Variants in SHISA9 observed in about 807,000 individuals in gnomAD.
SHISA9 encodes shisa family member 9, also known as protein shisa-9.
In SHISA9, 13 loss-of-function variants were observed where a neutral mutation model predicts 38.0. The observed-to-expected ratio is 0.34, with a 90% CI of 0.22 to 0.54. SHISA9 has a LOEUF of 0.54. Among genes scored for constraint, SHISA9 ranks in the 20% least tolerant of loss-of-function variants. The pLI, the probability that SHISA9 is intolerant of heterozygous loss-of-function variation, is 0.91. For missense variants in SHISA9, 538 were observed against 575.8 expected (o/e 0.93, Z 0.67); for synonymous variants, 275 against 242.0 (o/e 1.14, Z -1.27).
chr16:13,223,669 G>A (rs1171881207), intron 4 of SHISA9, among the ~76,000 whole-genome samples: 1 of 152,102 alleles, frequency 6.6e-6, no homozygotes, highest in South Asian at 2.1e-4. Context: ...CCTGAGACTG[G>A]GTAATTTATA....
At chr16:13,268,142 T>C in the SHISA9 span, among the ~76,000 whole-genome samples, 1 of 152,026 alleles carries the variant, frequency 6.6e-6, no homozygotes, top group Non-Finnish European at 1.5e-5. Context: ...AAATCAATGT[T>C]TTTGTGATAG....
At chr16:12,992,391 G>T (rs1420037562) in intron 2 of SHISA9, among the ~76,000 whole-genome samples, 2 of 151,246 alleles carry the variant, frequency 1.3e-5, no homozygotes, top group South Asian at 2.1e-4. Flanking sequence ...AGTAAACCGG[G>T]TGTGGTGGCA....
intron 2 of SHISA9, among the ~76,000 whole-genome samples, chr16:12,938,333 A>G (rs1293732924): frequency 6.6e-6 from 1 of 152,192 alleles, no homozygotes; most frequent in Admixed American, 6.5e-5. Flanking sequence ...TTTTCTTGCT[A>G]GACAAGTCTT....
chr16:12,920,928 G>A (rs1348366527), intron 2 of SHISA9, among the ~76,000 whole-genome samples: 2 of 152,196 alleles, frequency 1.3e-5, no homozygotes, highest in South Asian at 2.1e-4. Context: ...ATAATGATGT[G>A]GTAAAGACAG....
At chr16:12,910,606 A>G (rs1159753647) in intron 1 of SHISA9, 2 of 985,226 alleles carry the variant, frequency 2.0e-6, no homozygotes, top group Non-Finnish European at 2.4e-6. Flanking sequence ...AACCTCAAAA[A>G]TGGCAACATA....
chr16:13,023,015 T>C (rs575819660), intron 2 of SHISA9, among the ~76,000 whole-genome samples: 1 of 99,128 alleles, frequency 1.0e-5, no homozygotes, highest in African/African-American at 2.7e-5. Context: ...CTTTCTGTCT[T>C]TTATTTATTT....
At chr16:13,154,294 CAA>C (rs1164185579) in intron 2 of SHISA9, among the ~76,000 whole-genome samples, 2 of 152,174 alleles carry the variant, frequency 1.3e-5, no homozygotes, top group African/African-American at 4.8e-5. Context: ...CTCCCAAGCA[CAA>C]GAGAATTTCC....
At chr16:13,052,401 C>CA (rs1368629186) in intron 2 of SHISA9, among the ~76,000 whole-genome samples, 1 of 152,138 alleles carries the variant, frequency 6.6e-6, no homozygotes, top group South Asian at 2.1e-4. Flanking sequence ...GGGAGCAAAG[C>CA]AATGAGGCCA....
At chr16:13,454,541 C>T in the SHISA9 span, among the ~76,000 whole-genome samples, 1 of 152,180 alleles carries the variant, frequency 6.6e-6, no homozygotes, top group Admixed American at 6.5e-5. Flanking sequence ...TTGTCGTCAT[C>T]TTTGTTTTAC....
chr16:13,319,669 C>T, the SHISA9 span, among the ~76,000 whole-genome samples: 500 of 152,006 alleles, frequency 3.3e-3, 3 homozygotes, highest in Non-Finnish European at 5.3e-3. Context: ...GATGTAATCC[C>T]TCCTTTCCAT....
chr16:13,506,445 A>G, the SHISA9 span, among the ~76,000 whole-genome samples: 41,131 of 152,094 alleles, frequency 0.27, 5,855 homozygotes, highest in East Asian at 0.41. Flanking sequence ...AAATTGAAGA[A>G]AAGCAGGGGA....
intron 2 of SHISA9, among the ~76,000 whole-genome samples, chr16:13,073,158 C>A (rs2073538120): frequency 6.6e-6 from 1 of 151,710 alleles, no homozygotes; most frequent in Non-Finnish European, 1.5e-5. Flanking sequence ...CAAGCTCACA[C>A]AGGTAGCAAA....
intron 2 of SHISA9, among the ~76,000 whole-genome samples, chr16:12,949,800 T>A (rs1362281738): frequency 6.6e-6 from 1 of 152,224 alleles, no homozygotes; most frequent in Non-Finnish European, 1.5e-5. Context: ...GCATACAATG[T>A]GTAATAATCA....
chr16:13,296,825 A>T, the SHISA9 span, among the ~76,000 whole-genome samples: 1 of 123,210 alleles, frequency 8.1e-6, no homozygotes, highest in Non-Finnish European at 1.6e-5. Context: ...TGGGAGGTGG[A>T]GGTTGCAGTG....
the SHISA9 span, among the ~76,000 whole-genome samples, chr16:13,546,048 G>T: frequency 6.6e-6 from 1 of 152,148 alleles, no homozygotes; most frequent in South Asian, 2.1e-4. Context: ...TAGGAAGGGG[G>T]CCCAGAGAAC....
chr16:13,374,138 CT>C, the SHISA9 span, among the ~76,000 whole-genome samples: 15 of 150,496 alleles, frequency 1.0e-4, no homozygotes, highest in Non-Finnish European at 1.8e-4. Context: ...TGGCTTATTT[CT>C]TTTTTTTGTT....
the SHISA9 span, among the ~76,000 whole-genome samples, chr16:13,468,667 T>A: frequency 6.6e-6 from 1 of 152,048 alleles, no homozygotes; most frequent in African/African-American, 2.4e-5. Context: ...TGTAGACTGG[T>A]CCTCAAAGAA....
intron 4 of SHISA9, among the ~76,000 whole-genome samples, chr16:13,234,564 C>G (rs1402577707): frequency 2.0e-5 from 3 of 152,202 alleles, no homozygotes; most frequent in African/African-American, 4.8e-5. Context: ...AAATTAAACT[C>G]TGTTTATTAA....
At chr16:13,541,013 C>G in the SHISA9 span, among the ~76,000 whole-genome samples, 1 of 152,118 alleles carries the variant, frequency 6.6e-6, no homozygotes, top group African/African-American at 2.4e-5. Context: ...GACCTACTAC[C>G]CGGGTGTCGG....
Sources: allele counts gnomAD v4.1 joint callset (sites outside exome capture counted in the v4.1 genomes callset), GRCh38; gene constraint gnomAD v4.1.1; transcripts MANE v1.5; gene names NCBI Gene and HGNC (gene_info 2026-07-23, HGNC 2026-07-21).